The following COA1 variants were observed in gnomAD, a reference collection of about 807,000 sequenced individuals.
COA1 encodes the protein cytochrome c oxidase assembly factor 1 homolog.
Under a neutral mutation model 16.0 loss-of-function variants are expected in COA1, and 13 were observed. The ratio of observed to expected loss-of-function variants is 0.81; its 90% CI spans 0.53 to 1.29. The LOEUF (loss-of-function observed/expected upper bound fraction) is 1.29, where lower values mean the gene tolerates loss of function less well. Among genes scored for constraint, COA1 ranks in the 50% most tolerant of loss-of-function variants. The pLI is 0.00. For synonymous variants in COA1, 65 were observed against 65.7 expected, an observed-to-expected ratio of 0.99 and a Z score of 0.05; for missense variants, 179 against 177.0, an observed-to-expected ratio of 1.01 and a Z score of -0.06.
intron 1 of COA1, among the ~76,000 whole-genome samples, chr7:43,669,311 TTG>T (rs2093101098): frequency 6.6e-6 from 1 of 152,190 alleles, no homozygotes; most frequent in African/African-American, 2.4e-5. Context: ...GAAACGTTTC[TTG>T]TCTAGCAAAC....
At chr7:43,714,522 G>C (rs189670666) in intron 1 of COA1, among the ~76,000 whole-genome samples, 8 of 151,446 alleles carry the variant, frequency 5.3e-5, no homozygotes, top group African/African-American at 1.9e-4. Context: ...CCAGCTACTC[G>C]GGAGGCTGAG....
At chr7:43,631,333 C>G (rs990880984) in intron 6 of COA1, 1 of 152,438 alleles carries the variant, frequency 6.6e-6, no homozygotes, top group African/African-American at 2.4e-5. Flanking sequence ...TCAAGTAATT[C>G]TCGTGCCTCA....
At chr7:43,702,945 C>G in intron 1 of COA1, among the ~76,000 whole-genome samples, 1 of 152,022 alleles carries the variant, frequency 6.6e-6, no homozygotes, top group East Asian at 1.9e-4. Context: ...GGTGTTGGGT[C>G]ATTAATTTTA....
exon 7 of COA1, chr7:43,609,018 A>T (rs2082658494): frequency 1.3e-5 from 2 of 152,328 alleles, no homozygotes; most frequent in Non-Finnish European, 2.9e-5. Flanking sequence ...TATATCAGTT[A>T]TGTTCCTTTC....
intron 1 of COA1, among the ~76,000 whole-genome samples, chr7:43,724,045 G>A (rs1453415556): frequency 6.6e-6 from 1 of 152,182 alleles, no homozygotes; most frequent in Non-Finnish European, 1.5e-5. Flanking sequence ...AGATCTCCAA[G>A]TCCTAATACA....
chr7:43,659,682 C>T (rs971271006), intron 1 of COA1, among the ~76,000 whole-genome samples: 7 of 152,140 alleles, frequency 4.6e-5, no homozygotes, highest in Non-Finnish European at 1.0e-4. Flanking sequence ...ACTCTTCCCT[C>T]CCTAGAGTCC....
At chr7:43,619,578 G>T in intron 6 of COA1, 2 of 1,608,342 alleles carry the variant, frequency 1.2e-6, no homozygotes, top group South Asian at 2.2e-5. Context: ...GATTTTTGCG[G>T]GGGTGTATTT....
chr7:43,675,009 G>C (rs930218399), intron 1 of COA1, among the ~76,000 whole-genome samples: 2 of 152,164 alleles, frequency 1.3e-5, no homozygotes, highest in African/African-American at 4.8e-5. Flanking sequence ...CACAGGAGTA[G>C]CCCTTCATTT....
At chr7:43,686,431 C>T (rs1052484586) in intron 1 of COA1, among the ~76,000 whole-genome samples, 9 of 151,418 alleles carry the variant, frequency 5.9e-5, no homozygotes, top group Non-Finnish European at 1.3e-4. Flanking sequence ...CTCAGCCTCC[C>T]GAGTAGCTGG....
intron 1 of COA1, among the ~76,000 whole-genome samples, chr7:43,662,346 C>T (rs1436662205): frequency 1.3e-5 from 2 of 152,248 alleles, no homozygotes; most frequent in African/African-American, 4.8e-5. Context: ...TCTCCTGCCT[C>T]AGCCTCCCAA....
At chr7:43,633,562 C>A (rs2085382550) in intron 6 of COA1, among the ~76,000 whole-genome samples, 1 of 150,312 alleles carries the variant, frequency 6.7e-6, no homozygotes, top group East Asian at 2.0e-4. Context: ...TCACAGCTCT[C>A]CATAATAGAG....
chr7:43,678,009 T>G (rs953281677), intron 1 of COA1, among the ~76,000 whole-genome samples: 7 of 152,136 alleles, frequency 4.6e-5, no homozygotes, highest in Non-Finnish European at 8.8e-5. Context: ...CTAACAACAC[T>G]GACTACAGGC....
chr7:43,715,006 TAAAA>T (rs755827781), intron 1 of COA1, among the ~76,000 whole-genome samples: 27,459 of 92,708 alleles, frequency 0.3, 3,289 homozygotes, highest in South Asian at 0.41. Flanking sequence ...GCCTCTTGTC[TAAAA>T]AAAAAAAAAA....
At chr7:43,697,773 C>A (rs2094576738) in intron 1 of COA1, among the ~76,000 whole-genome samples, 1 of 152,146 alleles carries the variant, frequency 6.6e-6, no homozygotes, top group Admixed American at 6.5e-5. Flanking sequence ...CCTTCCATGG[C>A]ACATTTCTAT....
downstream of COA1, among the ~76,000 whole-genome samples, chr7:43,635,150 A>C (rs1379026578): frequency 6.6e-6 from 1 of 152,148 alleles, no homozygotes; most frequent in Non-Finnish European, 1.5e-5. Flanking sequence ...ACTTTTATAT[A>C]ATTTTATAAA....
rs1440923869 is a variant in COA1, at chr7:43,691,373, GAGGGAGGAAGGAAGGAAGGA to G, written c.-39+38036_-39+38055del. On this transcript the variant is annotated intron_variant, in intron 1 of 5. Transcript: ENST00000223336. ...GGAGGGAGGGAGGGAGGGAGGGAGG[GAGGGAGGAAGGAAGGAAGGA>G]AGGAAGGAAGGAAGGAAGGAAGAAA... 3.3e-3 allele frequency among the ~76,000 whole-genome samples: 62 copies of G among 18,624 alleles called. 2 individuals carry two copies. Among genetic ancestry groups the G allele is most frequent in the African/African-American group, 0.012 (57 of 4,788 alleles). The allele number at this position is 18,624 out of a possible 152,430, so 12.2% of individuals were successfully genotyped here.
chr7:43,625,513 T>C (rs533886785), intron 6 of COA1: 1 of 152,342 alleles, frequency 6.6e-6, no homozygotes, highest in East Asian at 1.9e-4. Flanking sequence ...ACCTCTGAAA[T>C]TATTCTGGGT....
At chr7:43,705,203 C>A (rs1563430807) in intron 1 of COA1, among the ~76,000 whole-genome samples, 2 of 152,194 alleles carry the variant, frequency 1.3e-5, no homozygotes, top group Non-Finnish European at 2.9e-5. Flanking sequence ...TCCCGGTCCA[C>A]TGGCAACAAC....
At chr7:43,711,084 C>T (rs925841950) in intron 1 of COA1, among the ~76,000 whole-genome samples, 1 of 151,660 alleles carries the variant, frequency 6.6e-6, no homozygotes, top group Non-Finnish European at 1.5e-5. Flanking sequence ...ATATCCCATC[C>T]CACATTTTTT....
Sources: allele counts gnomAD v4.1 joint callset (sites outside exome capture counted in the v4.1 genomes callset), GRCh38; gene constraint gnomAD v4.1.1; transcripts MANE v1.5; gene names NCBI Gene and HGNC (gene_info 2026-07-23, HGNC 2026-07-21).